Variants in ELP4 observed in about 807,000 individuals in gnomAD.
ELP4 encodes the protein elongator complex protein 4.
In ELP4, 51 loss-of-function variants were observed where a neutral mutation model predicts 48.9. The ratio of observed to expected loss-of-function variants is 1.04; its 90% CI spans 0.83 to 1.32. ELP4 has a LOEUF of 1.32. Ranked by LOEUF, ELP4 falls within the 40% of genes most tolerant of loss-of-function variation. ELP4 has a pLI of 0.00. For synonymous variants in ELP4, 210 were observed against 189.2 expected, an observed-to-expected ratio of 1.11 and a Z score of -0.90; for missense variants, 519 against 514.6, an observed-to-expected ratio of 1.01 and a Z score of -0.08.
intron 3 of ELP4, among the ~76,000 whole-genome samples, chr11:31,556,678 C>T (rs1391332908): frequency 6.6e-6 from 1 of 151,738 alleles, no homozygotes; most frequent in Non-Finnish European, 1.5e-5. Context: ...GGTAGTATTC[C>T]TGCAGGAAGA....
intron 9 of ELP4, among the ~76,000 whole-genome samples, chr11:31,706,723 C>T (rs916448982): frequency 2.0e-5 from 3 of 151,688 alleles, no homozygotes; most frequent in African/African-American, 4.8e-5. Context: ...CTCTGCCTCG[C>T]CTTCCCTTCC....
chr11:31,699,013 C>T (rs1946467804), intron 9 of ELP4, among the ~76,000 whole-genome samples: 1 of 152,094 alleles, frequency 6.6e-6, no homozygotes, highest in Non-Finnish European at 1.5e-5. Context: ...CACACTCAAG[C>T]ACACACAACA....
chr11:31,511,608 G>A (rs1420757460), intron 1 of ELP4: 1 of 152,164 alleles, frequency 6.6e-6, no homozygotes, highest in African/African-American at 2.4e-5. Context: ...CACAAAACCA[G>A]TGACCATGTG....
intron 9 of ELP4, among the ~76,000 whole-genome samples, chr11:31,746,386 G>A (rs1441765817): frequency 6.6e-6 from 1 of 152,164 alleles, no homozygotes; most frequent in Admixed American, 6.5e-5. Flanking sequence ...TCCCATTACT[G>A]GGTATATACC....
chr11:31,770,810 G>T (rs1291275647), intron 9 of ELP4, among the ~76,000 whole-genome samples: 1 of 118,806 alleles, frequency 8.4e-6, no homozygotes, highest in Non-Finnish European at 1.6e-5. Flanking sequence ...GGCTGAGGCA[G>T]GACAGAGTGA....
chr11:31,662,380 C>A (rs1435796440), intron 9 of ELP4: 1 of 391,158 alleles, frequency 2.6e-6, no homozygotes, highest in Non-Finnish European at 4.5e-6. Context: ...ATTAAAGCAA[C>A]TATGCCCCTG....
At chr11:31,713,684 A>G (rs901185483) in intron 9 of ELP4, among the ~76,000 whole-genome samples, 2 of 152,204 alleles carry the variant, frequency 1.3e-5, no homozygotes, top group Admixed American at 1.3e-4. Context: ...AGTGTTAGGC[A>G]AGGAGAAACC....
chr11:31,541,947 T>A (rs192109371), intron 3 of ELP4, among the ~76,000 whole-genome samples: 1 of 152,126 alleles, frequency 6.6e-6, no homozygotes, highest in Non-Finnish European at 1.5e-5. Flanking sequence ...ATATAAAATA[T>A]AAAACTACAG....
At chr11:31,554,881 A>T (rs1956904805) in intron 3 of ELP4, among the ~76,000 whole-genome samples, 1 of 152,180 alleles carries the variant, frequency 6.6e-6, no homozygotes, top group Non-Finnish European at 1.5e-5. Flanking sequence ...CAAAAACCAA[A>T]TTGTCTTAAG....
chr11:31,627,835 G>A (rs920224058), intron 6 of ELP4, among the ~76,000 whole-genome samples: 2 of 151,978 alleles, frequency 1.3e-5, no homozygotes, highest in Non-Finnish European at 2.9e-5. Flanking sequence ...TAAATGATTT[G>A]CATTACATTT....
intron 9 of ELP4, among the ~76,000 whole-genome samples, chr11:31,734,561 C>G (rs1405699845): frequency 6.6e-6 from 1 of 152,174 alleles, no homozygotes; most frequent in Non-Finnish European, 1.5e-5. Context: ...TTTCTGTACA[C>G]TAGCACTAAA....
intron 9 of ELP4, among the ~76,000 whole-genome samples, chr11:31,775,801 C>T (rs1021304014): frequency 1.3e-5 from 2 of 151,932 alleles, no homozygotes; most frequent in African/African-American, 2.4e-5. Flanking sequence ...CCCGTCTCTA[C>T]TAAAAATGCA....
chr11:31,689,334 C>G (rs1946226010), intron 9 of ELP4: 1 of 151,218 alleles, frequency 6.6e-6, no homozygotes, highest in South Asian at 2.1e-4. Context: ...CCCATCTACT[C>G]AGAAGGCTGC....
intron 9 of ELP4, chr11:31,763,494 A>G (rs1429648884): frequency 3.1e-6 from 5 of 1,611,460 alleles, no homozygotes; most frequent in Admixed American, 1.7e-5. Flanking sequence ...AAGACTCTGC[A>G]TGGGGAGAAG....
chr11:31,555,274 G>T (rs1055142930), intron 3 of ELP4, among the ~76,000 whole-genome samples: 4 of 152,004 alleles, frequency 2.6e-5, no homozygotes, highest in Admixed American at 2.6e-4. Flanking sequence ...GTGACAGTTC[G>T]TTAAGTTATT....
chr11:31,783,334 A>C (rs1300568732), intron 9 of ELP4, 59 bp from the exon 10 acceptor site: 3 of 1,546,680 alleles, frequency 1.9e-6, no homozygotes, highest in Non-Finnish European at 2.7e-6. Flanking sequence ...TAGCCAAAGC[A>C]AAATTAATTT....
intron 6 of ELP4, among the ~76,000 whole-genome samples, chr11:31,628,976 TA>T (rs1316515401): frequency 6.6e-6 from 1 of 152,046 alleles, no homozygotes; most frequent in Non-Finnish European, 1.5e-5. Context: ...AGAAAGTTTT[TA>T]TCTTTTTTTT....
At chr11:31,739,074 G>GT (rs1288172900) in intron 9 of ELP4, among the ~76,000 whole-genome samples, 3 of 92,006 alleles carry the variant, frequency 3.3e-5, no homozygotes, top group Non-Finnish European at 4.7e-5. Context: ...CATGTTATGT[G>GT]TTTTTTACCC....
chr11:31,681,354 T>G (rs1487265974), intron 9 of ELP4, among the ~76,000 whole-genome samples: 1 of 152,228 alleles, frequency 6.6e-6, no homozygotes, highest in African/African-American at 2.4e-5. Flanking sequence ...ATAGAATTGT[T>G]TGTAAACATG....
Sources: gnomAD v4.1 joint callset for allele counts (sites outside exome capture counted in the v4.1 genomes callset) on GRCh38, gnomAD v4.1.1 for gene constraint, MANE v1.5 for transcripts, NCBI Gene and HGNC (gene_info 2026-07-23, HGNC 2026-07-21) for gene names.